KCNH7: variants seen among roughly 807,000 people sequenced by gnomAD.
KCNH7 encodes potassium voltage-gated channel subfamily H member 7, also known as voltage-gated inwardly rectifying potassium channel KCNH7.
Under a neutral mutation model 120.8 loss-of-function variants are expected in KCNH7, and 49 were observed. The observed-to-expected ratio is 0.41, with a 90% CI of 0.32 to 0.51. The LOEUF (loss-of-function observed/expected upper bound fraction) is 0.51, where lower values mean the gene tolerates loss of function less well. Ranked by LOEUF, KCNH7 falls within the 20% of genes least tolerant of loss-of-function variation. KCNH7 has a pLI of 0.38. For synonymous variants in KCNH7, 547 were observed against 516.1 expected (o/e 1.06, Z -0.81); for missense variants, 1,097 against 1,446.6 (o/e 0.76, Z 3.92).
intron 10 of KCNH7, 51 bp from the exon 11 acceptor site, chr2:162,396,996 G>T: frequency 8.0e-7 from 1 of 1,249,068 alleles, no homozygotes; most frequent in Non-Finnish European, 1.2e-6. Context: ...CAAACTCAAT[G>T]TTCTCCTTCT....
intron 2 of KCNH7, among the ~76,000 whole-genome samples, chr2:162,765,599 A>T (rs550246887): frequency 5.9e-5 from 9 of 152,308 alleles, no homozygotes; most frequent in African/African-American, 2.2e-4. Context: ...AAAAATGTTT[A>T]TTGAATTTAA....
At chr2:162,821,343 G>A (rs1022362317) in intron 2 of KCNH7, among the ~76,000 whole-genome samples, 2 of 152,184 alleles carry the variant, frequency 1.3e-5, no homozygotes, top group Non-Finnish European at 2.9e-5. Context: ...TTTACAGAGG[G>A]ATTGGTTGGC....
At chr2:162,456,021 G>T (rs1301300727) in intron 6 of KCNH7, among the ~76,000 whole-genome samples, 1 of 152,132 alleles carries the variant, frequency 6.6e-6, no homozygotes. Flanking sequence ...TCTTTTAATT[G>T]TGATGTTAGG....
chr2:162,498,741 A>G (rs964761939), intron 6 of KCNH7, among the ~76,000 whole-genome samples: 3 of 152,072 alleles, frequency 2.0e-5, no homozygotes, highest in Admixed American at 1.3e-4. Context: ...GGAAGAAAGA[A>G]GGTCCTTCTC....
At chr2:162,648,412 C>T (rs1243545599) in intron 2 of KCNH7, among the ~76,000 whole-genome samples, 1 of 152,174 alleles carries the variant, frequency 6.6e-6, no homozygotes, top group Non-Finnish European at 1.5e-5. Flanking sequence ...CCAGGTCCTT[C>T]CTTCAACACA....
intron 2 of KCNH7, among the ~76,000 whole-genome samples, chr2:162,648,138 C>T (rs1156748317): frequency 6.6e-6 from 1 of 152,114 alleles, no homozygotes; most frequent in Admixed American, 6.6e-5. Flanking sequence ...CTACCTGAGA[C>T]TGAGTAATTT....
intron 11 of KCNH7, among the ~76,000 whole-genome samples, chr2:162,395,673 C>T (rs953647838): frequency 1.3e-5 from 2 of 151,628 alleles, no homozygotes; most frequent in African/African-American, 4.8e-5. Context: ...TTCTTAATAA[C>T]TAGAATCTTT....
intron 6 of KCNH7, among the ~76,000 whole-genome samples, chr2:162,481,958 T>TATC (rs1464488121): frequency 1.4e-5 from 2 of 144,536 alleles, no homozygotes; most frequent in African/African-American, 5.4e-5. Flanking sequence ...GTTATCTATC[T>TATC]ATCTATCATC....
At position 162,530,535 on chromosome 2, in the gene KCNH7, G is replaced by A. The variant is rs563828177; in HGVS notation, c.463+6390C>T. On this transcript the variant is annotated intron_variant, in intron 3 of 15. Coordinates refer to ENST00000332142, the MANE Select transcript of KCNH7 (RefSeq NM_033272.4). ...GTGAGAGAGTAAGCATTGGTTAAAG[G>A]GAAATGTCAGTTTAAAATTCGCCTT... 1.5e-4 allele frequency among the ~76,000 whole-genome samples: 23 copies of A among 151,904 alleles called. No individual in the cohort carries two copies. In the South Asian group the frequency reaches 3.5e-3, roughly 23 times the overall value.
rs142796265 is a variant in KCNH7, at chr2:162,684,344, C to T, written c.308-147264G>A. Among the ~76,000 whole-genome samples the T allele has an allele frequency of 3.5e-4, 54 of 152,154 alleles. No individual in the cohort carries two copies. In the East Asian group the frequency reaches 9.1e-3, roughly 26 times the overall value. Reference sequence around the variant, plus strand: ...CAATGGCAACAAAAGCCAAAATTGACGAATGACATCTAATTAAACTAAAGA... The same window carrying T: ...CAATGGCAACAAAAGCCAAAATTGATGAATGACATCTAATTAAACTAAAGA... On this transcript the variant is annotated intron_variant, in intron 2 of 15. Transcript: ENST00000332142.
intron 12 of KCNH7, 61 bp from the exon 13 acceptor site, chr2:162,385,000 A>G: frequency 7.3e-7 from 1 of 1,360,642 alleles, no homozygotes; most frequent in Non-Finnish European, 1.0e-6. Flanking sequence ...GTGAGACGGT[A>G]TGCATATTAC....
chr2:162,402,279 T>G (rs1282222078), intron 9 of KCNH7, among the ~76,000 whole-genome samples: 1 of 150,696 alleles, frequency 6.6e-6, no homozygotes, highest in Non-Finnish European at 1.5e-5. Flanking sequence ...ATTATCTGGG[T>G]CATTGATCCC....
chr2:162,623,517 C>T (rs1041638336), intron 2 of KCNH7, among the ~76,000 whole-genome samples: 23 of 152,134 alleles, frequency 1.5e-4, no homozygotes, highest in African/African-American at 5.6e-4. Context: ...CTATTAATAT[C>T]ATGGACACAC....
chr2:162,487,935 C>T (rs951446349), intron 6 of KCNH7, among the ~76,000 whole-genome samples: 1 of 152,214 alleles, frequency 6.6e-6, no homozygotes, highest in Non-Finnish European at 1.5e-5. Context: ...TAAATGTCCT[C>T]TGCCTAATTC....
chr2:162,467,120 A>C (rs1441249032), intron 6 of KCNH7, among the ~76,000 whole-genome samples: 1 of 152,200 alleles, frequency 6.6e-6, no homozygotes, highest in Non-Finnish European at 1.5e-5. Flanking sequence ...GAAGGATTTC[A>C]CACTGTCTGA....
intron 2 of KCNH7, chr2:162,796,390 A>C (rs16847323): frequency 6.6e-6 from 1 of 151,954 alleles, no homozygotes; most frequent in Non-Finnish European, 1.5e-5. Flanking sequence ...TAAAAAAAAA[A>C]CCTGCTCATT....
intron 2 of KCNH7, among the ~76,000 whole-genome samples, chr2:162,815,117 C>T (rs538140627): frequency 6.6e-6 from 1 of 152,190 alleles, no homozygotes; most frequent in East Asian, 1.9e-4. Context: ...AAATAAGTAA[C>T]CTCTTCAAAT....
chr2:162,576,482 C>A (rs1693674850), intron 2 of KCNH7, among the ~76,000 whole-genome samples: 1 of 150,640 alleles, frequency 6.6e-6, no homozygotes, highest in Admixed American at 6.7e-5. Context: ...GGAATGTTTT[C>A]TTTTAAGGCA....
intron 11 of KCNH7, among the ~76,000 whole-genome samples, chr2:162,396,180 A>G (rs993121080): frequency 1.9e-4 from 29 of 151,806 alleles, no homozygotes; most frequent in African/African-American, 6.8e-4. Flanking sequence ...AATTATTTAA[A>G]CTATTATTTC....
Sources: allele counts gnomAD v4.1 joint callset (sites outside exome capture counted in the v4.1 genomes callset), GRCh38; gene constraint gnomAD v4.1.1; transcripts MANE v1.5; gene names NCBI Gene and HGNC (gene_info 2026-07-23, HGNC 2026-07-21).